MTMR2: variants seen among roughly 807,000 people sequenced by gnomAD.
MTMR2 encodes phosphatidylinositol-3,5-bisphosphate 3-phosphatase MTMR2.
In MTMR2, 55 loss-of-function variants were observed where a neutral mutation model predicts 86.9. The ratio of observed to expected loss-of-function variants is 0.63; its 90% CI spans 0.51 to 0.79. The LOEUF is 0.79. Among genes scored for constraint, MTMR2 ranks in the 30% least tolerant of loss-of-function variants. The probability of loss-of-function intolerance (pLI) is 0.00; values close to 1 mark genes in which losing one functional copy is unlikely to be tolerated. For synonymous variants in MTMR2, 241 were observed against 266.8 expected (o/e 0.90, Z 0.94); for missense variants, 659 against 772.3 (o/e 0.85, Z 1.74).
Position 95,888,315 on chromosome 11 carries a change from T to C in MTMR2, c.81-54A>G, listed in dbSNP as rs1865587328. ...GAAAAATGGGGGCTTCAAAGACCAATTTCAGACATTGTATTTAATATAACT... is the reference window on the plus strand; with the variant it reads ...GAAAAATGGGGGCTTCAAAGACCAACTTCAGACATTGTATTTAATATAACT... On this transcript the variant is annotated intron_variant, in intron 1 of 14. Transcript: ENST00000346299. The C allele has an allele frequency of 9.4e-6, 11 of 1,164,546 alleles. No homozygotes were observed. The East Asian group carries it at 2.4e-4, about 26-fold the overall frequency. The allele number at this position is 1,164,546 out of a possible 1,614,324, so 72.1% of individuals were successfully genotyped here.
At chr11:95,848,196 C>T (rs979648193) in intron 9 of MTMR2, among the ~76,000 whole-genome samples, 2 of 152,146 alleles carry the variant, frequency 1.3e-5, no homozygotes, top group African/African-American at 2.4e-5. Flanking sequence ...TTTCCCAGCC[C>T]ATACGCCAAG....
intron 1 of MTMR2, among the ~76,000 whole-genome samples, chr11:95,901,077 C>T (rs1243883504): frequency 6.6e-6 from 1 of 152,110 alleles, no homozygotes; most frequent in African/African-American, 2.4e-5. Context: ...CTAGTTGTCC[C>T]CTAAATATAG....
chr11:95,852,669 TCATTAA>T lies in MTMR2; in HGVS notation c.655-1926_655-1921del, dbSNP rs1305617912. On this transcript the variant is annotated intron_variant, in intron 7 of 14. Coordinates refer to ENST00000346299, the MANE Select transcript of MTMR2 (RefSeq NM_016156.6). The stretch of plus-strand genomic sequence containing the variant: ...AAAGTTAAACCCTGCACCAGGCTGC[TCATTAA>T]CTTTATACAGATTTTTACCCATGAC... Among the ~76,000 whole-genome samples the T allele has an allele frequency of 3.3e-5, 5 of 152,242 alleles. No individual in the cohort carries two copies. In the East Asian group the frequency reaches 9.6e-4, roughly 29 times the overall value.
At chr11:95,910,125 A>T (rs1384338054) in intron 1 of MTMR2, among the ~76,000 whole-genome samples, 1 of 131,388 alleles carries the variant, frequency 7.6e-6, no homozygotes, top group Non-Finnish European at 1.8e-5. Context: ...GCACGCATGC[A>T]CGCACACACA....
At chr11:95,839,919 ATTTTCT>A (rs1391564830) in intron 12 of MTMR2, 3 of 152,248 alleles carry the variant, frequency 2.0e-5, no homozygotes, top group African/African-American at 7.2e-5. Flanking sequence ...ATTTAAACTG[ATTTTCT>A]TTTATTTAGT....
chr11:95,903,878 G>A (rs1866161241), intron 1 of MTMR2, among the ~76,000 whole-genome samples: 1 of 152,090 alleles, frequency 6.6e-6, no homozygotes, highest in Non-Finnish European at 1.5e-5. Flanking sequence ...ACATTAAAAG[G>A]CTGAGGCAGG....
At chr11:95,915,936 T>G (rs894155813) in intron 1 of MTMR2, among the ~76,000 whole-genome samples, 1 of 152,156 alleles carries the variant, frequency 6.6e-6, no homozygotes, top group African/African-American at 2.4e-5. Context: ...ACTTTCATTT[T>G]ATGGTTCCAG....
At chr11:95,838,064 G>A in intron 13 of MTMR2, 30 bp downstream of exon 13, 1 of 1,277,458 alleles carries the variant, frequency 7.8e-7, no homozygotes, top group South Asian at 1.2e-5. Flanking sequence ...AGTAGAGATA[G>A]TATGGGGAAG....
At chr11:95,854,386 G>C (rs764650359) in intron 7 of MTMR2, among the ~76,000 whole-genome samples, 12 of 152,212 alleles carry the variant, frequency 7.9e-5, no homozygotes, top group Non-Finnish European at 1.8e-4. Flanking sequence ...TCCCTTGACT[G>C]AAGTAACTGT....
chr11:95,856,771 T>C (rs617999), intron 7 of MTMR2, among the ~76,000 whole-genome samples: 42,269 of 152,006 alleles, frequency 0.28, 7,068 homozygotes, highest in Non-Finnish European at 0.38. Flanking sequence ...TGAATGCTCC[T>C]GGGACAGCAA....
chr11:95,887,335 A>G (rs549576066), intron 2 of MTMR2, among the ~76,000 whole-genome samples: 22 of 152,156 alleles, frequency 1.4e-4, no homozygotes, highest in Non-Finnish European at 2.2e-4. Context: ...CCCTCATCAG[A>G]TAATGGATTT....
chr11:95,839,910 T>C (rs1863466357), intron 12 of MTMR2: 1 of 152,172 alleles, frequency 6.6e-6, no homozygotes, highest in South Asian at 2.1e-4. Flanking sequence ...AAAATACAGA[T>C]TTAAACTGAT....
intron 1 of MTMR2, among the ~76,000 whole-genome samples, chr11:95,896,494 C>T (rs115219026): frequency 1.8e-3 from 271 of 151,852 alleles, no homozygotes; most frequent in African/African-American, 6.3e-3. Flanking sequence ...TTAATGACTA[C>T]GCTTCCTAAG....
At chr11:95,923,657 G>T in intron 1 of MTMR2, 1 of 1,419,772 alleles carries the variant, frequency 7.0e-7, no homozygotes, top group Non-Finnish European at 9.2e-7. Flanking sequence ...AATATGAAAG[G>T]TAGAGGAATC....
chr11:95,841,971 G>GT (rs1334799688), intron 11 of MTMR2, among the ~76,000 whole-genome samples: 1 of 152,080 alleles, frequency 6.6e-6, no homozygotes, highest in Non-Finnish European at 1.5e-5. Context: ...GCGTGCACCT[G>GT]TAGTCCTAGC....
At chr11:95,907,669 T>A (rs559641389) in intron 1 of MTMR2, among the ~76,000 whole-genome samples, 1 of 152,270 alleles carries the variant, frequency 6.6e-6, no homozygotes, top group African/African-American at 2.4e-5. Flanking sequence ...TCCACAATGA[T>A]CAAGGAGGCT....
chr11:95,884,480 A>G (rs192104989), intron 2 of MTMR2, among the ~76,000 whole-genome samples: 1 of 152,302 alleles, frequency 6.6e-6, no homozygotes, highest in Non-Finnish European at 1.5e-5. Flanking sequence ...ATGACCTGAG[A>G]CAAAATAAGG....
In MTMR2 at chr11:95,845,114, C is replaced by A. The variant is rs780756016; in HGVS notation, c.1225G>T (p.Gly409Trp). Residue 409 changes from glycine to tryptophan, a missense_variant, in exon 11 of 15, where the codon GGG becomes TGG. This residue lies in a region of MTMR2 where 387 missense variants were observed against 526.3 expected (regional missense o/e 0.74). Coordinates refer to ENST00000346299, the MANE Select transcript of MTMR2 (RefSeq NM_016156.6). ...CAATGCACTACCACAGACGTCTTCCCTGACTCTACCTTGTCAGCAATCCTA... is the reference window on the plus strand; with the variant it reads ...CAATGCACTACCACAGACGTCTTCCATGACTCTACCTTGTCAGCAATCCTA... ...ALRIADKVES[G>W]KTSVVVHCSD... 7.4e-6 allele frequency: 12 copies of A among 1,613,838 alleles called. No homozygotes were observed.
chr11:95,872,767 T>A (rs1864940722), intron 2 of MTMR2, among the ~76,000 whole-genome samples: 1 of 152,208 alleles, frequency 6.6e-6, no homozygotes, highest in South Asian at 2.1e-4. Context: ...AGATAGCTCT[T>A]ATTATTTTGA....
Sources: allele counts gnomAD v4.1 joint callset (sites outside exome capture counted in the v4.1 genomes callset), GRCh38; gene constraint gnomAD v4.1.1; regional missense constraint gnomAD v4.1.1; transcripts MANE v1.5; gene names NCBI Gene and HGNC (gene_info 2026-07-23, HGNC 2026-07-21).